Variants in DTNBP1 observed in about 807,000 individuals in gnomAD.
DTNBP1 encodes the protein dysbindin.
Under a neutral mutation model 42.8 loss-of-function variants are expected in DTNBP1, and 35 were observed. The observed-to-expected ratio is 0.82, with a 90% CI of 0.63 to 1.09. The LOEUF is 1.09. DTNBP1 is among the 50% of genes least tolerant of loss of function. The pLI, the probability that DTNBP1 is intolerant of heterozygous loss-of-function variation, is 0.00. For synonymous variants in DTNBP1, 171 were observed against 162.2 expected (o/e 1.05, Z -0.41); for missense variants, 457 against 424.2 (o/e 1.08, Z -0.68).
chr6:15,527,206 A>C (rs750740994), intron 8 of DTNBP1, among the ~76,000 whole-genome samples: 2 of 152,216 alleles, frequency 1.3e-5, no homozygotes, highest in Non-Finnish European at 2.9e-5. Context: ...TAAAACTTCT[A>C]TTTTTGGTTA....
chr6:15,615,066 T>G (rs1758638353), intron 6 of DTNBP1: 1 of 772,082 alleles, frequency 1.3e-6, no homozygotes, highest in Non-Finnish European at 2.2e-6. Context: ...ATGTTTTACC[T>G]TCTCCTGAGT....
intron 6 of DTNBP1, among the ~76,000 whole-genome samples, chr6:15,601,422 A>T (rs567821167): frequency 1.3e-5 from 2 of 152,216 alleles, no homozygotes; most frequent in Non-Finnish European, 2.9e-5. Flanking sequence ...TTTAAAGGAT[A>T]CTTTTTAGCT....
chr6:15,546,831 A>G (rs1262749747), intron 7 of DTNBP1, among the ~76,000 whole-genome samples: 1 of 152,206 alleles, frequency 6.6e-6, no homozygotes, highest in Non-Finnish European at 1.5e-5. Context: ...ACGCCATTTG[A>G]AAATGCTCTT....
At chr6:15,655,075 G>T (rs1230036139) in intron 1 of DTNBP1, among the ~76,000 whole-genome samples, 1 of 152,120 alleles carries the variant, frequency 6.6e-6, no homozygotes, top group African/African-American at 2.4e-5. Flanking sequence ...ATGGATATAT[G>T]TGGTTCATTG....
intron 7 of DTNBP1, among the ~76,000 whole-genome samples, chr6:15,547,492 T>C (rs1231796029): frequency 6.6e-6 from 1 of 152,208 alleles, no homozygotes; most frequent in Non-Finnish European, 1.5e-5. Flanking sequence ...TAAATATTTA[T>C]ACAATGGGAA....
chr6:15,537,169 C>T (rs1773281217), intron 7 of DTNBP1, among the ~76,000 whole-genome samples: 1 of 152,150 alleles, frequency 6.6e-6, no homozygotes, highest in African/African-American at 2.4e-5. Flanking sequence ...GCCTGTAATC[C>T]CAACACTTTG....
intron 7 of DTNBP1, among the ~76,000 whole-genome samples, chr6:15,549,440 G>C (rs568587095): frequency 6.9e-6 from 1 of 144,658 alleles, no homozygotes; most frequent in African/African-American, 2.6e-5. Context: ...AGCCGAGACC[G>C]CGCCATTGCA....
At chr6:15,572,250 C>A (rs1310471267) in intron 7 of DTNBP1, among the ~76,000 whole-genome samples, 1 of 152,034 alleles carries the variant, frequency 6.6e-6, no homozygotes, top group African/African-American at 2.4e-5. Flanking sequence ...GGTTACTTGC[C>A]CAAGGACATG....
At chr6:15,656,017 T>C (rs1761258034) in intron 1 of DTNBP1, among the ~76,000 whole-genome samples, 1 of 152,226 alleles carries the variant, frequency 6.6e-6, no homozygotes, top group Non-Finnish European at 1.5e-5. Flanking sequence ...AAAATGGTAG[T>C]ATTATACTCA....
intron 7 of DTNBP1, among the ~76,000 whole-genome samples, chr6:15,569,831 A>G (rs1336530368): frequency 6.6e-6 from 1 of 152,166 alleles, no homozygotes; most frequent in Non-Finnish European, 1.5e-5. Context: ...TCTCAGACTT[A>G]ATAGTCACCA....
At chr6:15,594,188 C>T (rs1369171397) in intron 6 of DTNBP1, among the ~76,000 whole-genome samples, 1 of 152,086 alleles carries the variant, frequency 6.6e-6, no homozygotes, top group Admixed American at 6.5e-5. Context: ...TGTGGCTGGG[C>T]GTGGTGGCTC....
chr6:15,660,286 C>T, intron 1 of DTNBP1: 4 of 1,196,518 alleles, frequency 3.3e-6, no homozygotes, highest in Non-Finnish European at 4.4e-6. Flanking sequence ...CATCTTTTCT[C>T]CTCAAGGCAA....
intron 6 of DTNBP1, 99 bp from the exon 7 acceptor site, chr6:15,593,180 G>T: frequency 1.9e-6 from 2 of 1,074,682 alleles, no homozygotes. Context: ...TACTTTAAAT[G>T]CCCACAGTGG....
chr6:15,578,347 T>C (rs1042027406), intron 7 of DTNBP1, among the ~76,000 whole-genome samples: 2 of 152,190 alleles, frequency 1.3e-5, no homozygotes, highest in African/African-American at 4.8e-5. Context: ...ATTCTCCTAG[T>C]GCGCAGAGGG....
Position 15,651,368 on chromosome 6 carries a change from C to T in DTNBP1, c.111-5G>A, listed in dbSNP as rs1446715508. 6.2e-7 allele frequency: 1 copy of T among 1,610,406 alleles called. No homozygotes were observed. The highest frequency in any genetic ancestry group is 8.5e-7 in the Non-Finnish European group (1 of 1,179,362). ...TTTGGCAAAAATGGAACAGTCCTGC[C>T]CAAAAGAAACACTTATTAAAACTGT... On this transcript the variant is annotated splice_region_variant and splice_polypyrimidine_tract_variant and intron_variant, in intron 2 of 9. Transcript: ENST00000344537.
intron 8 of DTNBP1, among the ~76,000 whole-genome samples, chr6:15,530,328 A>G (rs568720431): frequency 3.7e-4 from 56 of 152,336 alleles, no homozygotes; most frequent in African/African-American, 1.3e-3. Flanking sequence ...CTCTAGCTCA[A>G]GAGAAAGCTA....
chr6:15,623,902 G>C (rs975218991), intron 5 of DTNBP1, among the ~76,000 whole-genome samples: 1 of 152,160 alleles, frequency 6.6e-6, no homozygotes, highest in Non-Finnish European at 1.5e-5. Flanking sequence ...GAATCTTGTG[G>C]TTTTGCATTC....
At chr6:15,650,361 C>T (rs1042808084) in intron 3 of DTNBP1, among the ~76,000 whole-genome samples, 1 of 151,972 alleles carries the variant, frequency 6.6e-6, no homozygotes, top group Admixed American at 6.5e-5. Context: ...CAACCCCTGC[C>T]GAGATCGCAC....
intron 3 of DTNBP1, among the ~76,000 whole-genome samples, chr6:15,646,350 C>T (rs981642728): frequency 2.6e-5 from 4 of 151,210 alleles, no homozygotes; most frequent in Admixed American, 2.0e-4. Flanking sequence ...AACTGTAAAA[C>T]ACTGATGAAA....
Sources: gnomAD v4.1 joint callset for allele counts (sites outside exome capture counted in the v4.1 genomes callset) on GRCh38, gnomAD v4.1.1 for gene constraint, MANE v1.5 for transcripts, NCBI Gene and HGNC (gene_info 2026-07-23, HGNC 2026-07-21) for gene names.